The following NYAP2 variants were observed in gnomAD, a reference collection of about 807,000 sequenced individuals.
NYAP2 encodes the protein neuronal tyrosine-phosphorylated phosphoinositide-3-kinase adaptor 2.
In NYAP2, 23 loss-of-function variants were observed where a neutral mutation model predicts 50.4. The ratio of observed to expected loss-of-function variants is 0.46; its 90% CI spans 0.33 to 0.65. The LOEUF is 0.65. Ranked by LOEUF, NYAP2 falls within the 30% of genes least tolerant of loss-of-function variation. The pLI is 0.02. For missense variants in NYAP2, 885 were observed against 861.0 expected (o/e 1.03, Z -0.35); for synonymous variants, 394 against 365.2 (o/e 1.08, Z -0.90).
chr2:225,596,412 G>C (rs1213927889), intron 5 of NYAP2, among the ~76,000 whole-genome samples: 1 of 152,058 alleles, frequency 6.6e-6, no homozygotes, highest in Non-Finnish European at 1.5e-5. Flanking sequence ...GCAGCAAATA[G>C]CACATTTTCT....
chr2:225,403,239 A>G (rs776970268), intron 2 of NYAP2, among the ~76,000 whole-genome samples: 22 of 152,008 alleles, frequency 1.4e-4, no homozygotes, highest in Non-Finnish European at 2.6e-4. Context: ...AATAACTCAA[A>G]TTCTAATAAC....
the NYAP2 span, among the ~76,000 whole-genome samples, chr2:225,680,435 T>C: frequency 2.6e-5 from 4 of 152,200 alleles, no homozygotes; most frequent in Non-Finnish European, 5.9e-5. Flanking sequence ...GCTCCCTGCA[T>C]TATTCTACAG....
rs1693289457 is a variant in NYAP2 at position 225,630,587 on chromosome 2, G to T, written c.1828+3461G>T. Among the ~76,000 whole-genome samples the T allele has an allele frequency of 2.0e-5, 3 of 152,144 alleles. No individual in the cohort carries two copies. In the South Asian group the frequency reaches 6.2e-4, roughly 32 times the overall value. Reference sequence around the variant, plus strand: ...TTTTCCCCTAAAGCAAGGGTCCTTTGCCTTCCATCTGGAAATGAAATCAAA... The same window carrying T: ...TTTTCCCCTAAAGCAAGGGTCCTTTTCCTTCCATCTGGAAATGAAATCAAA... On this transcript the variant is annotated intron_variant, in intron 6 of 6. Transcript: ENST00000636099.
intron 3 of NYAP2, among the ~76,000 whole-genome samples, chr2:225,498,972 A>G (rs1270413664): frequency 6.6e-6 from 1 of 152,190 alleles, no homozygotes; most frequent in Non-Finnish European, 1.5e-5. Flanking sequence ...CTCAGAATGC[A>G]GGTAACCATG....
chr2:225,598,110 T>A (rs1026637537), intron 5 of NYAP2, among the ~76,000 whole-genome samples: 2 of 152,086 alleles, frequency 1.3e-5, no homozygotes, highest in African/African-American at 4.8e-5. Context: ...ATCTAAGCCT[T>A]GACGCTGGAG....
chr2:225,684,295 C>G, the NYAP2 span, among the ~76,000 whole-genome samples: 2 of 152,080 alleles, frequency 1.3e-5, no homozygotes, highest in African/African-American at 4.8e-5. Flanking sequence ...CACTTTGCTT[C>G]TGTGTGGAGA....
At chr2:225,430,644 C>A (rs1695352437) in intron 3 of NYAP2, among the ~76,000 whole-genome samples, 1 of 152,090 alleles carries the variant, frequency 6.6e-6, no homozygotes, top group Admixed American at 6.5e-5. Context: ...GAAACTGAGG[C>A]CCAAGTGCTC....
chr2:225,529,001 T>A (rs1425245729), intron 4 of NYAP2, among the ~76,000 whole-genome samples: 2 of 152,210 alleles, frequency 1.3e-5, no homozygotes, highest in Non-Finnish European at 2.9e-5. Context: ...TTCCCCGAAG[T>A]CTCTGTTTTT....
At chr2:225,427,555 G>A (rs570764889) in intron 3 of NYAP2, among the ~76,000 whole-genome samples, 11 of 152,190 alleles carry the variant, frequency 7.2e-5, no homozygotes, top group South Asian at 4.2e-4. Flanking sequence ...TTCACCACCC[G>A]TGTGGCTCCT....
At position 225,582,367 on chromosome 2, in the gene NYAP2, G is replaced by C. The variant is rs1224651608; in HGVS notation, c.950G>C (p.Gly317Ala). ...GCCTCAGTGCCATGCCCCCCCAAGG[G>C]GCTGCTTTGCGACATCCCTCCGCCC... Residue 317 changes from glycine to alanine, a missense_variant, in exon 5 of 7, where the codon GGG (glycine) becomes GCG (alanine). Coordinates refer to ENST00000636099, the Ensembl canonical transcript of NYAP2. This position sits in a 1 kb window ranked among gnomAD's most constrained non-coding sequence, Gnocchi z 7.0. 1 of 1,612,502 alleles carries C rather than the reference G, an allele frequency of 6.2e-7. No homozygotes were observed. Among genetic ancestry groups the C allele is most frequent in the African/African-American group, 1.3e-5 (1 of 75,022 alleles).
At chr2:225,600,353 C>G (rs1692672642) in intron 5 of NYAP2, among the ~76,000 whole-genome samples, 1 of 152,058 alleles carries the variant, frequency 6.6e-6, no homozygotes, top group Non-Finnish European at 1.5e-5. Flanking sequence ...GTGATGTTAT[C>G]CCCAAGAGCA....
At chr2:225,517,074 A>AAT (rs1456574630) in intron 4 of NYAP2, among the ~76,000 whole-genome samples, 1 of 152,142 alleles carries the variant, frequency 6.6e-6, no homozygotes, top group African/African-American at 2.4e-5. Context: ...ACAAACAAAA[A>AAT]AAAATCACAT....
At position 225,524,507 on chromosome 2, in the gene NYAP2, T is replaced by A. The variant is rs907923255; in HGVS notation, c.523+10835T>A. On this transcript the variant is annotated intron_variant, in intron 4 of 6. Coordinates refer to ENST00000636099, the Ensembl canonical transcript of NYAP2. ...CCCTCACAGACACACCCAGGAACAA[T>A]GTTTTGCATCCTTCAGCCCAATCGA... Among the ~76,000 whole-genome samples the A allele has an allele frequency of 7.2e-5, 11 of 152,242 alleles. No homozygotes were observed. The South Asian group carries it at 2.3e-3, about 32-fold the overall frequency.
intron 5 of NYAP2, among the ~76,000 whole-genome samples, chr2:225,611,491 G>T (rs918226527): frequency 6.6e-6 from 1 of 151,780 alleles, no homozygotes; most frequent in Non-Finnish European, 1.5e-5. Flanking sequence ...AACTTGCCAT[G>T]GGCATTGCAC....
chr2:225,596,485 C>T (rs544232786), intron 5 of NYAP2, among the ~76,000 whole-genome samples: 40 of 152,302 alleles, frequency 2.6e-4, no homozygotes, highest in Middle Eastern at 6.8e-3. Context: ...CATCCGACCT[C>T]CCCAATTAAA....
At chr2:225,504,730 C>T (rs1016840570) in intron 3 of NYAP2, among the ~76,000 whole-genome samples, 1 of 152,026 alleles carries the variant, frequency 6.6e-6, no homozygotes, top group Non-Finnish European at 1.5e-5. Flanking sequence ...TCATTTTAGG[C>T]CAGGCACGGT....
chr2:225,678,725 A>C, the NYAP2 span, among the ~76,000 whole-genome samples: 3 of 152,292 alleles, frequency 2.0e-5, no homozygotes, highest in East Asian at 3.9e-4. Flanking sequence ...TGAGGGGCCA[A>C]GAGGTATTTC....
chr2:225,549,854 G>A (rs112990701), intron 4 of NYAP2, among the ~76,000 whole-genome samples: 4,182 of 151,966 alleles, frequency 0.028, 182 homozygotes, highest in African/African-American at 0.094. Context: ...GTATGGTGGC[G>A]TGCACCTGTA....
the NYAP2 span, among the ~76,000 whole-genome samples, chr2:225,660,814 T>C: frequency 1.3e-5 from 2 of 152,226 alleles, no homozygotes; most frequent in Non-Finnish European, 2.9e-5. Flanking sequence ...TGAATTTTTT[T>C]CGTTACTTTA....
Sources: gnomAD v4.1 joint callset for allele counts (sites outside exome capture counted in the v4.1 genomes callset) on GRCh38, gnomAD v4.1.1 for gene constraint, Gnocchi (gnomAD v3.1) non-coding constraint, MANE v1.5 for transcripts, NCBI Gene and HGNC (gene_info 2026-07-23, HGNC 2026-07-21) for gene names.